Variants in EXOC4 observed in about 807,000 individuals in gnomAD.
EXOC4 encodes the protein SEC8-like 1.
A neutral mutation model predicts 107.2 loss-of-function variants in EXOC4; 71 were observed. The observed-to-expected ratio is 0.66, with a 90% CI of 0.55 to 0.81. EXOC4 has a LOEUF of 0.81. Ranked by LOEUF, EXOC4 falls within the 30% of genes least tolerant of loss-of-function variation. The probability of loss-of-function intolerance (pLI) is 0.00; values close to 1 mark genes in which losing one functional copy is unlikely to be tolerated. For synonymous variants in EXOC4, 456 were observed against 441.2 expected (o/e 1.03, Z -0.42); for missense variants, 1,108 against 1,189.6 (o/e 0.93, Z 1.01).
intron 10 of EXOC4, among the ~76,000 whole-genome samples, chr7:133,717,393 A>G (rs975120506): frequency 1.3e-5 from 2 of 152,182 alleles, no homozygotes; most frequent in Admixed American, 6.5e-5. Context: ...AATCTGATCC[A>G]TTAGAGCACT....
At chr7:133,364,724 T>C (rs1796213368) in intron 6 of EXOC4, among the ~76,000 whole-genome samples, 2 of 152,188 alleles carry the variant, frequency 1.3e-5, no homozygotes, top group Admixed American at 1.3e-4. Flanking sequence ...TGCAGTTTTG[T>C]AGTATTCACG....
At chr7:134,075,239 A>G in the EXOC4 span, among the ~76,000 whole-genome samples, 17 of 152,192 alleles carry the variant, frequency 1.1e-4, no homozygotes, top group Admixed American at 1.1e-3. Context: ...GTGATGGTGT[A>G]TAAGTGCATT....
intron 11 of EXOC4, among the ~76,000 whole-genome samples, chr7:133,882,410 T>C (rs79650621): frequency 0.012 from 1,832 of 152,294 alleles, 47 homozygotes; most frequent in African/African-American, 0.042. Flanking sequence ...GTACTTAACT[T>C]TACTCACTCA....
chr7:134,092,146 T>A, the EXOC4 span, among the ~76,000 whole-genome samples: 5 of 152,172 alleles, frequency 3.3e-5, no homozygotes, highest in African/African-American at 9.7e-5. Context: ...TTACTAGGTG[T>A]GGGGTTTCTT....
the EXOC4 span, among the ~76,000 whole-genome samples, chr7:134,094,478 C>T: frequency 6.6e-6 from 1 of 151,984 alleles, no homozygotes; most frequent in African/African-American, 2.4e-5. Flanking sequence ...TGAATTCTAC[C>T]AGACATACAA....
At chr7:133,746,812 G>A (rs370481363) in intron 10 of EXOC4, among the ~76,000 whole-genome samples, 2 of 152,292 alleles carry the variant, frequency 1.3e-5, no homozygotes, top group East Asian at 1.9e-4. Context: ...TCTTTCTCGT[G>A]ATTCCTCATT....
intron 4 of EXOC4, among the ~76,000 whole-genome samples, chr7:133,308,620 A>G (rs1584797823): frequency 6.6e-6 from 1 of 152,222 alleles, no homozygotes; most frequent in Admixed American, 6.5e-5. Context: ...AGGGGATCAG[A>G]AGCAATAATT....
At chr7:133,658,841 A>G (rs565038467) in intron 10 of EXOC4, among the ~76,000 whole-genome samples, 66 of 152,250 alleles carry the variant, frequency 4.3e-4, no homozygotes, top group African/African-American at 1.5e-3. Context: ...TGCATAGTTT[A>G]TGGAGAGACT....
the EXOC4 span, among the ~76,000 whole-genome samples, chr7:134,074,055 G>A: frequency 0.2 from 30,983 of 152,116 alleles, 4,628 homozygotes; most frequent in African/African-American, 0.42. Context: ...TGCCTGACAC[G>A]AGGTCCTGCC....
intron 11 of EXOC4, among the ~76,000 whole-genome samples, chr7:133,822,076 T>G (rs1172409420): frequency 6.6e-6 from 1 of 152,176 alleles, no homozygotes; most frequent in Admixed American, 6.5e-5. Context: ...CCATTTGAGA[T>G]CCCTCTGTTG....
intron 7 of EXOC4, among the ~76,000 whole-genome samples, chr7:133,442,460 G>A (rs959025150): frequency 1.3e-5 from 2 of 152,100 alleles, no homozygotes; most frequent in East Asian, 1.9e-4. Context: ...CCCCAAGAGC[G>A]GGCAGTCTGA....
chr7:133,588,744 T>C (rs529976644), intron 9 of EXOC4, among the ~76,000 whole-genome samples: 1 of 152,066 alleles, frequency 6.6e-6, no homozygotes, highest in African/African-American at 2.4e-5. Context: ...AATACAAAAA[T>C]TAGCTGGGCA....
chr7:133,382,992 C>G (rs1796651846), intron 7 of EXOC4, among the ~76,000 whole-genome samples: 1 of 152,128 alleles, frequency 6.6e-6, no homozygotes, highest in African/African-American at 2.4e-5. Flanking sequence ...GCCCTGTGAC[C>G]ACACACCATT....
intron 5 of EXOC4, among the ~76,000 whole-genome samples, chr7:133,345,731 C>T (rs371467461): frequency 2.6e-5 from 4 of 152,152 alleles, no homozygotes; most frequent in African/African-American, 7.2e-5. Context: ...CGGGAGGACC[C>T]GTGCACACTC....
At chr7:133,751,826 C>G (rs1585121649) in intron 10 of EXOC4, among the ~76,000 whole-genome samples, 2 of 151,754 alleles carry the variant, frequency 1.3e-5, no homozygotes, top group South Asian at 4.2e-4. Flanking sequence ...ATTATATTCT[C>G]TGAATTTTCT....
Position 133,683,114 on chromosome 7 carries a change from A to C in EXOC4, c.1514+52973A>C, listed in dbSNP as rs539075347. On this transcript the variant is annotated intron_variant, in intron 10 of 17. Coordinates refer to ENST00000253861, the MANE Select transcript of EXOC4 (RefSeq NM_021807.4). Reference sequence around the variant, plus strand: ...ATGTCATCTCTCCTCCTGGTCTTTTACCCCTCTCTTTCTTTGTGGGACCTG... The same window carrying C: ...ATGTCATCTCTCCTCCTGGTCTTTTCCCCCTCTCTTTCTTTGTGGGACCTG... 2.0e-5 allele frequency among the ~76,000 whole-genome samples: 3 copies of C among 151,980 alleles called. No individual in the cohort carries two copies. The East Asian group carries it at 5.8e-4, about 29-fold the overall frequency.
At chr7:133,314,013 CTG>C (rs1794934758) in intron 4 of EXOC4, among the ~76,000 whole-genome samples, 2 of 152,046 alleles carry the variant, frequency 1.3e-5, no homozygotes, top group Non-Finnish European at 2.9e-5. Flanking sequence ...TGAAAAATAA[CTG>C]TCAGTATTTC....
intron 9 of EXOC4, among the ~76,000 whole-genome samples, chr7:133,584,442 A>G (rs1801348973): frequency 6.6e-6 from 1 of 152,230 alleles, no homozygotes; most frequent in African/African-American, 2.4e-5. Flanking sequence ...GTCTTCTCTG[A>G]CAATTAACTT....
At chr7:133,848,332 G>A (rs1798175280) in intron 11 of EXOC4, among the ~76,000 whole-genome samples, 1 of 152,132 alleles carries the variant, frequency 6.6e-6, no homozygotes, top group Non-Finnish European at 1.5e-5. Context: ...ATGAGGTGAT[G>A]GGTATTATAG....
Sources: allele counts gnomAD v4.1 joint callset (sites outside exome capture counted in the v4.1 genomes callset), GRCh38; gene constraint gnomAD v4.1.1; transcripts MANE v1.5; gene names NCBI Gene and HGNC (gene_info 2026-07-23, HGNC 2026-07-21).